The following COL5A3 variants were observed in gnomAD, a reference collection of about 807,000 sequenced individuals.
The protein encoded by COL5A3 is collagen alpha-3(V) chain.
In COL5A3, 172 loss-of-function variants were observed where a neutral mutation model predicts 250.0. That is an observed-to-expected ratio of 0.69 (90% CI 0.61 to 0.78). The LOEUF (loss-of-function observed/expected upper bound fraction) is 0.78, where lower values mean the gene tolerates loss of function less well. Among genes scored for constraint, COL5A3 ranks in the 30% least tolerant of loss-of-function variants. The probability of loss-of-function intolerance (pLI) is 0.00; values close to 1 mark genes in which losing one functional copy is unlikely to be tolerated. For synonymous variants in COL5A3, 937 were observed against 900.4 expected (o/e 1.04, Z -0.73); for missense variants, 2,340 against 2,334.4 (o/e 1.00, Z -0.05).
chr19:10,010,297 C>A lies in COL5A3; in HGVS notation c.88+1G>T. The stretch of plus-strand genomic sequence containing the variant: ...GTCCCATCTCTTCCCTCCCGGCTCA[C>A]CGGCCTGCGTCCCCGGCAGAAGCTG... On this transcript the variant is annotated splice_donor_variant, in intron 1 of 66. Coordinates refer to ENST00000264828, the MANE Select transcript of COL5A3 (RefSeq NM_015719.4). LOFTEE classifies it high-confidence loss of function. 1 of 1,441,506 alleles carries A rather than the reference C, an allele frequency of 6.9e-7. No individual in the cohort carries two copies. The highest frequency in any genetic ancestry group is 9.2e-7 in the Non-Finnish European group (1 of 1,092,046). The allele number at this position is 1,441,506 out of a possible 1,614,324, so 89.3% of individuals were successfully genotyped here.
chr19:9,986,347 C>G lies in COL5A3; in HGVS notation c.2320G>C (p.Glu774Gln), dbSNP rs367847974. Residue 774 changes from glutamate (E) to glutamine (Q), a missense_variant, in exon 30 of 67, where the codon GAG becomes CAG. Physicochemically the swap from Glu to Gln is conservative, Grantham distance 29. Transcript: ENST00000264828. Reference sequence around the variant, plus strand: ...CCAGCTGAGCCTGGGGGCCCCTCCTCGCCAGCCTGCCCCGCCTGCCCCTTC... The same window carrying G: ...CCAGCTGAGCCTGGGGGCCCCTCCTGGCCAGCCTGCCCCGCCTGCCCCTTC... Reference protein sequence around the residue: ...GPKGQAGQAGEEGPPGSAGEK... With the variant: ...GPKGQAGQAGQEGPPGSAGEK... The G allele has an allele frequency of 3.8e-6, 6 of 1,590,724 alleles. No homozygotes were observed. The East Asian group carries it at 8.9e-5, about 24-fold the overall frequency.
At chr19:9,969,254 G>T in intron 57 of COL5A3, 95 bp downstream of exon 57, 2 of 1,111,686 alleles carry the variant, frequency 1.8e-6, no homozygotes, top group South Asian at 1.5e-5. Context: ...TGGATGGTCA[G>T]TGAGGGCTAG....
Position 9,992,462 on chromosome 19 carries a change from A to G in COL5A3, c.1848+365T>C, listed in dbSNP as rs145029823. Among the ~76,000 whole-genome samples, 10 of 152,014 alleles carry G rather than the reference A, an allele frequency of 6.6e-5. No homozygotes were observed. In the East Asian group the frequency reaches 1.7e-3, roughly 26 times the overall value. ...GCAGGCAGAGAAGCCAGCAACAGAT[A>G]TGGACATGCAGAAGGCAGAAAAGCG... On this transcript the variant is annotated intron_variant, in intron 21 of 66. Coordinates refer to ENST00000264828, the MANE Select transcript of COL5A3 (RefSeq NM_015719.4).
chr19:9,991,757 A>G (rs528910069), intron 23 of COL5A3, 31 bp downstream of exon 23: 1 of 1,598,162 alleles, frequency 6.3e-7, no homozygotes, highest in South Asian at 1.1e-5. Flanking sequence ...GACCACTCCC[A>G]TGCCCCATTA....
rs1266205830 is a variant in COL5A3 at position 10,009,952 on chromosome 19, TCA to T, written c.88+344_88+345del. Among the ~76,000 whole-genome samples, 1 of 151,954 alleles carries T rather than the reference TCA, an allele frequency of 6.6e-6. No individual in the cohort carries two copies. The highest frequency in any genetic ancestry group is 1.5e-5 in the Non-Finnish European group (1 of 67,980). Reference sequence around the variant, plus strand: ...CACCGTCCCAGCACTGCCCTGTCACTCACAGTCACACTATCACCATCAACCTC... The same window carrying T: ...CACCGTCCCAGCACTGCCCTGTCACTCAGTCACACTATCACCATCAACCTC... On this transcript the variant is annotated intron_variant, in intron 1 of 66. Transcript: ENST00000264828. The surrounding 1 kb of genome is among the most constrained non-coding windows in gnomAD (Gnocchi z 4.4).
At chr19:9,987,618 C>T (rs985090139) in intron 27 of COL5A3, among the ~76,000 whole-genome samples, 3 of 151,820 alleles carry the variant, frequency 2.0e-5, no homozygotes, top group Non-Finnish European at 2.9e-5. Context: ...GATGTGGTGA[C>T]GTGCACCTAT....
intron 10 of COL5A3, 61 bp downstream of exon 10, chr19:9,997,923 G>T (rs1299567223): frequency 1.9e-6 from 3 of 1,588,252 alleles, no homozygotes; most frequent in East Asian, 2.2e-5. Flanking sequence ...CACTCCAGGG[G>T]ATTAAACACC....
At chr19:9,985,266 T>G (rs2087083424) in intron 31 of COL5A3, among the ~76,000 whole-genome samples, 1 of 148,082 alleles carries the variant, frequency 6.8e-6, no homozygotes, top group African/African-American at 2.5e-5. Context: ...TGGCTAATTT[T>G]TTTTTTTTTT....
At chr19:9,975,945 T>C (rs1186748496) in intron 45 of COL5A3, among the ~76,000 whole-genome samples, 1 of 151,674 alleles carries the variant, frequency 6.6e-6, no homozygotes, top group Non-Finnish European at 1.5e-5. Flanking sequence ...GGTGTTGGCA[T>C]TGAGGGGAAG....
Position 9,979,977 on chromosome 19 carries a change from A to C in COL5A3, c.2658+17T>G. 1 of 1,579,778 alleles carries C rather than the reference A, an allele frequency of 6.3e-7. No homozygotes were observed. The highest frequency in any genetic ancestry group is 1.2e-5 in the South Asian group (1 of 85,920). On this transcript the variant is annotated intron_variant, in intron 36 of 66. Transcript: ENST00000264828. ...TCCTCCACCCACCCAACCCCCAATG[A>C]GGGTGACCTCACTCACAGGGGGGCC...
intron 16 of COL5A3, among the ~76,000 whole-genome samples, chr19:9,994,559 C>CAT (rs57642882): frequency 0.036 from 2,491 of 69,672 alleles, 249 homozygotes; most frequent in Non-Finnish European, 0.053. Flanking sequence ...ATATGTTTTA[C>CAT]ATATATATAT....
At chr19:9,964,928 A>AATTAC (rs757407801) in intron 64 of COL5A3, among the ~76,000 whole-genome samples, 26 of 142,236 alleles carry the variant, frequency 1.8e-4, no homozygotes, top group Non-Finnish European at 3.2e-4. Flanking sequence ...GCATGCCTGT[A>AATTAC]ATTACAGCTC....
intron 6 of COL5A3, 146 bp downstream of exon 6, chr19:10,003,419 G>A (rs949553316): frequency 5.1e-6 from 4 of 779,832 alleles, no homozygotes; most frequent in East Asian, 2.7e-5. Flanking sequence ...TCATGGATCC[G>A]AGACCAGAGA....
In COL5A3 at chr19:9,968,338, A is replaced by C. The variant is rs2086782873; in HGVS notation, c.4314+47T>G. The C allele has an allele frequency of 1.5e-4, 199 of 1,314,118 alleles. No homozygotes were observed. Among genetic ancestry groups the C allele is most frequent in the Non-Finnish European group, 1.9e-4 (178 of 924,178 alleles). 81.4% of individuals were successfully genotyped at this position (1,314,118 alleles called of 1,614,324 possible). ...CCCCACACCCACAGTCTCTCAACCGACCCCCTCCTTCAAATGCATTCTTCC... is the reference window on the plus strand; with the variant it reads ...CCCCACACCCACAGTCTCTCAACCGCCCCCCTCCTTCAAATGCATTCTTCC... On this transcript the variant is annotated intron_variant, in intron 59 of 66. Transcript: ENST00000264828. The surrounding 1 kb of genome is among the most constrained non-coding windows in gnomAD (Gnocchi z 4.1).
rs753179498 is a variant in COL5A3 at position 10,005,599 on chromosome 19, T to C, written c.553A>G (p.Thr185Ala). The change falls in exon 4 of 67, where the codon ACT becomes GCT. Residue 185 changes from threonine to alanine, a missense_variant. Physicochemically the swap from Thr to Ala is moderately conservative, Grantham distance 58. Transcript: ENST00000264828. Reference protein sequence around the residue: ...GPRFISIAGLTVLGTQDLGEK... With the variant: ...GPRFISIAGLAVLGTQDLGEK... ...CCAAGGTCCTGGGTCCCCAGCACAGTGAGTCCAGCTATGCTGATGAAGCGG... is the reference window on the plus strand; with the variant it reads ...CCAAGGTCCTGGGTCCCCAGCACAGCGAGTCCAGCTATGCTGATGAAGCGG... 1.2e-6 allele frequency: 2 copies of C among 1,614,064 alleles called. No individual in the cohort carries two copies. The highest frequency in any genetic ancestry group is 2.2e-5 in the South Asian group (2 of 91,072).
intron 45 of COL5A3, 90 bp downstream of exon 45, chr19:9,976,468 G>T: frequency 2.0e-6 from 2 of 988,382 alleles, no homozygotes; most frequent in South Asian, 3.4e-5. Context: ...TTGAGGTTTG[G>T]ATTAAGTCAG....
intron 31 of COL5A3, 116 bp from the exon 32 acceptor site, chr19:9,982,234 T>C: frequency 3.0e-6 from 2 of 674,042 alleles, no homozygotes; most frequent in Non-Finnish European, 5.1e-6. Context: ...GAAGCTTCCT[T>C]GGTCTCTACA....
At chr19:9,988,855 A>AAAAAAAGAGAGAGAGAAAG (rs1269531312) in intron 27 of COL5A3, among the ~76,000 whole-genome samples, 31 of 104,724 alleles carry the variant, frequency 3.0e-4, no homozygotes, top group African/African-American at 1.3e-3. Context: ...AAAAAAAAAA[A>AAAAAAAGAGAGAGAGAAAG]AAAGAAAGTA....
At chr19:9,966,495 C>T (rs766096921) in intron 63 of COL5A3, 41 bp downstream of exon 63, 1 of 1,553,248 alleles carries the variant, frequency 6.4e-7, no homozygotes, top group South Asian at 1.2e-5. Flanking sequence ...CCCCCACACC[C>T]CCACTCCGCC....
Sources: gnomAD v4.1 joint callset for allele counts (sites outside exome capture counted in the v4.1 genomes callset) on GRCh38, gnomAD v4.1.1 for gene constraint, Gnocchi (gnomAD v3.1) non-coding constraint, MANE v1.5 for transcripts, NCBI Gene and HGNC (gene_info 2026-07-23, HGNC 2026-07-21) for gene names.